Variants in SH3PXD2A observed in about 807,000 individuals in gnomAD.
SH3PXD2A encodes the protein SH3 and PX domain-containing protein 2A.
A neutral mutation model predicts 115.2 loss-of-function variants in SH3PXD2A; 32 were observed. The observed-to-expected ratio is 0.28, with a 90% CI of 0.21 to 0.37. The LOEUF is 0.37. SH3PXD2A is among the 10% of genes least tolerant of loss of function. SH3PXD2A has a pLI of 1.00. For synonymous variants in SH3PXD2A, 610 were observed against 629.1 expected, an observed-to-expected ratio of 0.97 and a Z score of 0.45; for missense variants, 1,328 against 1,498.7, an observed-to-expected ratio of 0.89 and a Z score of 1.88.
At chr10:103,702,367 G>T (rs1240630401) in intron 5 of SH3PXD2A, among the ~76,000 whole-genome samples, 1 of 152,190 alleles carries the variant, frequency 6.6e-6, no homozygotes, top group Non-Finnish European at 1.5e-5. Flanking sequence ...TTGTGATCAG[G>T]TGCCCCAAAG....
Position 103,603,384 on chromosome 10 carries a change from C to T in SH3PXD2A, c.1834G>A (p.Val612Met). The change falls in exon 15 of 15, where the codon GTG becomes ATG. Residue 612 changes from valine (V) to methionine (M), a missense_variant. This residue lies in a region of SH3PXD2A where 509 missense variants were observed against 628.3 expected (regional missense o/e 0.81). Transcript: ENST00000369774. Reference protein sequence around the residue: ...RFKVGESSEDVALEEETIYEN... With the variant: ...RFKVGESSEDMALEEETIYEN... ...TAGATGGTCTCCTCTTCCAGGGCCA[C>T]ATCCTCTGAAGACTCACCCACCTTG... is the stretch of plus-strand genomic sequence containing the variant. 6.2e-7 allele frequency: 1 copy of T among 1,614,176 alleles called. No homozygotes were observed. Among genetic ancestry groups the T allele is most frequent in the South Asian group, 1.1e-5 (1 of 91,086 alleles).
At chr10:103,782,937 G>GCT (rs1184220234) in intron 2 of SH3PXD2A, among the ~76,000 whole-genome samples, 28 of 140,274 alleles carry the variant, frequency 2.0e-4, no homozygotes, top group African/African-American at 7.5e-4. Context: ...ATGCCTTGGG[G>GCT]GGGGGGGCTC....
At position 103,596,677 on chromosome 10, in the gene SH3PXD2A, T is replaced by TCTCG. The variant is rs2036140466; in HGVS notation, c.*5138_*5139insCGAG. ...CACACACACACACTCTCTCTCTCTC[T>TCTCG]CTCTCTCTCACAACACATGGCCCTC... On this transcript the variant is annotated 3_prime_UTR_variant, in exon 15 of 15. Coordinates refer to ENST00000369774, the MANE Select transcript of SH3PXD2A (RefSeq NM_001394015.1). 9.1e-6 allele frequency: 1 copy of TCTCG among 110,002 alleles called. No homozygotes were observed. 6.8% of individuals were successfully genotyped at this position (110,002 alleles called of 1,614,324 possible).
chr10:103,841,262 C>T (rs945743469), intron 1 of SH3PXD2A, among the ~76,000 whole-genome samples: 2 of 152,134 alleles, frequency 1.3e-5, no homozygotes, highest in Non-Finnish European at 2.9e-5. Context: ...AGGATGTGGT[C>T]GCTGCTTTTG....
rs1387716195 is a variant in SH3PXD2A, at chr10:103,659,526, C to T, written c.604+1457G>A. The stretch of plus-strand genomic sequence containing the variant: ...AGCCAGACCCCCATGACATTGCTAG[C>T]TTACTTTGCGGGCAGGGACGTGGCA... On this transcript the variant is annotated intron_variant, in intron 8 of 14. Transcript: ENST00000369774. Among the ~76,000 whole-genome samples the T allele has an allele frequency of 2.6e-5, 4 of 152,174 alleles. No homozygotes were observed. The East Asian group carries it at 5.8e-4, about 22-fold the overall frequency.
chr10:103,839,958 C>G (rs969740771), intron 1 of SH3PXD2A, among the ~76,000 whole-genome samples: 14 of 152,256 alleles, frequency 9.2e-5, no homozygotes, highest in Admixed American at 6.5e-4. Flanking sequence ...GGCACACCAG[C>G]TGGTCAGCAG....
intron 1 of SH3PXD2A, among the ~76,000 whole-genome samples, chr10:103,823,690 C>T (rs183009064): frequency 1.7e-4 from 26 of 152,338 alleles, no homozygotes; most frequent in South Asian, 6.2e-4. Context: ...ATTCCAGTCC[C>T]GGTGGGACTG....
intron 1 of SH3PXD2A, among the ~76,000 whole-genome samples, chr10:103,827,354 C>T (rs994177504): frequency 5.3e-5 from 8 of 152,168 alleles, no homozygotes; most frequent in Non-Finnish European, 2.9e-5. Context: ...ACCCATCCTT[C>T]AAGGCCTTCA....
chr10:103,842,850 T>G (rs2039613992), intron 1 of SH3PXD2A, among the ~76,000 whole-genome samples: 1 of 152,336 alleles, frequency 6.6e-6, no homozygotes, highest in Middle Eastern at 3.4e-3. Context: ...AAATATTGAC[T>G]GAATGAAACA....
intron 6 of SH3PXD2A, among the ~76,000 whole-genome samples, chr10:103,683,284 G>A (rs866508788): frequency 3.2e-4 from 49 of 152,202 alleles, no homozygotes; most frequent in Middle Eastern, 6.8e-3. Flanking sequence ...AGGCTGAGGC[G>A]GGTGGACTGC....
At chr10:103,640,847 G>C (rs1308763201) in intron 8 of SH3PXD2A, among the ~76,000 whole-genome samples, 1 of 152,092 alleles carries the variant, frequency 6.6e-6, no homozygotes, top group Non-Finnish European at 1.5e-5. Flanking sequence ...CTGGACTGGT[G>C]GGCCCGGGAT....
At chr10:103,747,967 G>T (rs1316343589) in intron 3 of SH3PXD2A, among the ~76,000 whole-genome samples, 1 of 152,026 alleles carries the variant, frequency 6.6e-6, no homozygotes, top group Non-Finnish European at 1.5e-5. Context: ...TGCTTTCCTT[G>T]AGCTTTGGTT....
At chr10:103,813,265 TGA>T (rs1261865619) in intron 1 of SH3PXD2A, among the ~76,000 whole-genome samples, 1 of 152,180 alleles carries the variant, frequency 6.6e-6, no homozygotes, top group Non-Finnish European at 1.5e-5. Context: ...TTGCATGGAA[TGA>T]GAGAGAGGAG....
chr10:103,710,095 A>G (rs2038029863), intron 5 of SH3PXD2A, among the ~76,000 whole-genome samples: 4 of 137,288 alleles, frequency 2.9e-5, no homozygotes, highest in Middle Eastern at 7.5e-3. Flanking sequence ...ACTCCATCTC[A>G]AAAAAAAAAA....
At chr10:103,736,864 G>A (rs1385667522) in intron 3 of SH3PXD2A, 10 of 989,118 alleles carry the variant, frequency 1.0e-5, no homozygotes, top group Middle Eastern at 2.6e-4. Flanking sequence ...TCCTTGTGGT[G>A]TCAGTCAGTC....
At chr10:103,823,275 C>A (rs1159157008) in intron 1 of SH3PXD2A, among the ~76,000 whole-genome samples, 1 of 152,172 alleles carries the variant, frequency 6.6e-6, no homozygotes, top group Non-Finnish European at 1.5e-5. Flanking sequence ...AAGCAGCGTG[C>A]AGAAAAATCC....
chr10:103,743,121 G>A (rs888827346), intron 3 of SH3PXD2A, among the ~76,000 whole-genome samples: 4 of 152,158 alleles, frequency 2.6e-5, no homozygotes, highest in Non-Finnish European at 5.9e-5. Flanking sequence ...ATGTCCAGCT[G>A]CCCTCACCAG....
chr10:103,699,831 G>C (rs1035275141), intron 5 of SH3PXD2A, among the ~76,000 whole-genome samples: 1 of 152,210 alleles, frequency 6.6e-6, no homozygotes, highest in African/African-American at 2.4e-5. Flanking sequence ...TGTTTTCCAG[G>C]GTTCTGAGAA....
chr10:103,703,161 A>G (rs979738448), intron 5 of SH3PXD2A, among the ~76,000 whole-genome samples: 1 of 152,206 alleles, frequency 6.6e-6, no homozygotes, highest in Non-Finnish European at 1.5e-5. Flanking sequence ...TCTGTGGGAA[A>G]GAGGACTCGG....
Sources: gnomAD v4.1 joint callset for allele counts (sites outside exome capture counted in the v4.1 genomes callset) on GRCh38, gnomAD v4.1.1 for gene constraint, gnomAD v4.1.1 regional missense constraint, MANE v1.5 for transcripts, NCBI Gene and HGNC (gene_info 2026-07-23, HGNC 2026-07-21) for gene names.